PTPN5: variants seen among roughly 807,000 people sequenced by gnomAD.
PTPN5 encodes tyrosine-protein phosphatase non-receptor type 5.
Under a neutral mutation model 73.9 loss-of-function variants are expected in PTPN5, and 29 were observed. The observed-to-expected ratio is 0.39, with a 90% CI of 0.29 to 0.54. The LOEUF is 0.54. Ranked by LOEUF, PTPN5 falls within the 20% of genes least tolerant of loss-of-function variation. The pLI, the probability that PTPN5 is intolerant of heterozygous loss-of-function variation, is 0.65. For synonymous variants in PTPN5, 267 were observed against 304.7 expected (o/e 0.88, Z 1.29); for missense variants, 652 against 751.4 (o/e 0.87, Z 1.55).
At chr11:18,787,264 T>C (rs1006627575) in intron 1 of PTPN5, among the ~76,000 whole-genome samples, 76 of 152,222 alleles carry the variant, frequency 5.0e-4, no homozygotes, top group African/African-American at 1.8e-3. Flanking sequence ...TCTTTATTTA[T>C]TGGTTCATAT....
chr11:18,733,610 G>A lies in PTPN5; in HGVS notation c.1026C>T (p.Thr342=). 2 of 1,614,248 alleles carry A rather than the reference G, an allele frequency of 1.2e-6. No individual in the cohort carries two copies. The highest frequency in any genetic ancestry group is 1.7e-6 in the Non-Finnish European group (2 of 1,180,048). Residue 342 remains threonine, a synonymous_variant, in exon 10 of 15, where the codon ACC becomes ACT. Coordinates refer to ENST00000358540, the MANE Select transcript of PTPN5 (RefSeq NM_006906.2). This position sits in a 1 kb window ranked among gnomAD's most constrained non-coding sequence, Gnocchi z 4.3. ...TCAGAGGGTCGTCAGGGTCTGGTGA[G>A]GTCAGACACACTCTGCTGTGAGGGT... The part of the protein sequence containing the change: ...LPNPHSRVCL[T]SPDPDDPLSS...
rs369302509 is a variant in PTPN5 at position 18,744,130 on chromosome 11, A to C, written c.167T>G (p.Met56Arg). Residue 56 changes from methionine (M) to arginine (R), a missense_variant, in exon 4 of 15, where the codon ATG becomes AGG. Met to Arg is a moderately conservative substitution (Grantham distance 91). This residue lies in a region of PTPN5 where 529 missense variants were observed against 573.9 expected (regional missense o/e 0.92). Coordinates refer to ENST00000358540, the MANE Select transcript of PTPN5 (RefSeq NM_006906.2). ...AEGLQDSQRE[M>R]PPPPPPSPPS... Reference sequence around the variant, plus strand: ...CGGCGAGGGAGGAGGGGGTGGCGGCATCTCTCTCTGTGAGTCCTGGAGCCC... The same window carrying C: ...CGGCGAGGGAGGAGGGGGTGGCGGCCTCTCTCTCTGTGAGTCCTGGAGCCC... The C allele has an allele frequency of 3.9e-5, 63 of 1,609,508 alleles. No homozygotes were observed. The highest frequency in any genetic ancestry group is 5.2e-5 in the Non-Finnish European group (61 of 1,178,086).
chr11:18,731,368 A>G (rs1848869486), intron 12 of PTPN5, among the ~76,000 whole-genome samples: 1 of 152,038 alleles, frequency 6.6e-6, no homozygotes, highest in African/African-American at 2.4e-5. Context: ...CTTCTCAAGG[A>G]AAGAGTCCAA....
intron 3 of PTPN5, among the ~76,000 whole-genome samples, chr11:18,764,934 G>C (rs561168008): frequency 6.6e-6 from 1 of 152,030 alleles, no homozygotes; most frequent in African/African-American, 2.4e-5. Context: ...GGATGGTCTC[G>C]ATCTCCTGAC....
intron 4 of PTPN5, chr11:18,743,657 G>A: frequency 1.7e-6 from 1 of 594,502 alleles, no homozygotes; most frequent in Admixed American, 3.0e-5. Flanking sequence ...GCCCTTTCCA[G>A]AGAGGACCTC....
intron 1 of PTPN5, among the ~76,000 whole-genome samples, chr11:18,788,947 T>C (rs1851791966): frequency 6.6e-6 from 1 of 152,230 alleles, no homozygotes; most frequent in Non-Finnish European, 1.5e-5. Flanking sequence ...AAATTAATTA[T>C]GAAATTCTAT....
chr11:18,736,363 G>A (rs61886901), intron 9 of PTPN5, among the ~76,000 whole-genome samples: 22,522 of 152,186 alleles, frequency 0.15, 1,685 homozygotes, highest in Middle Eastern at 0.2. Context: ...CGGAGAAGGG[G>A]ACAGAAATTG....
intron 2 of PTPN5, among the ~76,000 whole-genome samples, chr11:18,767,565 T>C (rs1003700625): frequency 6.6e-6 from 1 of 152,098 alleles, no homozygotes; most frequent in African/African-American, 2.4e-5. Flanking sequence ...TCCAAAACAT[T>C]CTCCACATGG....
At chr11:18,774,906 A>G (rs1391701471) in intron 1 of PTPN5, among the ~76,000 whole-genome samples, 1 of 152,224 alleles carries the variant, frequency 6.6e-6, no homozygotes, top group Non-Finnish European at 1.5e-5. Context: ...AGCAGGAAAA[A>G]GGGCAGAAGC....
Position 18,729,388 on chromosome 11 carries a change from C to A in PTPN5, c.1604+65G>T. The A allele has an allele frequency of 1.3e-6, 1 of 799,336 alleles. No homozygotes were observed. Among genetic ancestry groups the A allele is most frequent in the South Asian group, 1.4e-5 (1 of 71,784 alleles). The allele number at this position is 799,336 out of a possible 1,614,324, so 49.5% of individuals were successfully genotyped here. Reference sequence around the variant, plus strand: ...ACCCCCCGCCCATGCACATGTGGGTCTCTCCCTCTACCCGCTCGGGGCTCT... The same window carrying A: ...ACCCCCCGCCCATGCACATGTGGGTATCTCCCTCTACCCGCTCGGGGCTCT... On this transcript the variant is annotated intron_variant, in intron 14 of 14. Coordinates refer to ENST00000358540, the MANE Select transcript of PTPN5 (RefSeq NM_006906.2). The surrounding 1 kb of genome is among the most constrained non-coding windows in gnomAD (Gnocchi z 5.2).
intron 8 of PTPN5, among the ~76,000 whole-genome samples, chr11:18,739,833 C>T (rs1304310018): frequency 6.6e-6 from 1 of 152,216 alleles, no homozygotes; most frequent in East Asian, 1.9e-4. Flanking sequence ...CCTTCCTCCT[C>T]CTCTCAGGGC....
chr11:18,788,141 C>T (rs1267150404), intron 1 of PTPN5, among the ~76,000 whole-genome samples: 4 of 152,212 alleles, frequency 2.6e-5, no homozygotes, highest in Admixed American at 2.6e-4. Flanking sequence ...TTTAGTGACA[C>T]TGTGGCCTCT....
intron 3 of PTPN5, among the ~76,000 whole-genome samples, chr11:18,761,633 C>T (rs574803995): frequency 7.2e-5 from 11 of 152,106 alleles, no homozygotes; most frequent in Non-Finnish European, 8.8e-5. Context: ...CCCACAGTAC[C>T]GGGGAGCTGG....
At chr11:18,776,908 T>G (rs960626645) in intron 1 of PTPN5, among the ~76,000 whole-genome samples, 1 of 152,176 alleles carries the variant, frequency 6.6e-6, no homozygotes, top group Non-Finnish European at 1.5e-5. Flanking sequence ...ATGCCTGTAA[T>G]CCCAGAACTT....
rs1411732635 is a variant in PTPN5, at chr11:18,740,632, C to T, written c.886G>A (p.Asp296Asn). 6.3e-7 allele frequency: 1 copy of T among 1,595,606 alleles called. No individual in the cohort carries two copies. Among genetic ancestry groups the T allele is most frequent in the Non-Finnish European group, 8.5e-7 (1 of 1,170,908 alleles). Reference protein sequence around the residue: ...QAEELHEKALDPFLLQAEFFE... With the variant: ...QAEELHEKALNPFLLQAEFFE... ...AATTCCGCCTGCAGCAGGAAAGGGT[C>T]CAGGGCCTTTTCATGAAGCTCTTCT... The change falls in exon 8 of 15, where the codon GAC (aspartate) becomes AAC (asparagine). Residue 296 changes from aspartate to asparagine, a missense_variant. This residue lies in a region of PTPN5 where 529 missense variants were observed against 573.9 expected (regional missense o/e 0.92). Coordinates refer to ENST00000358540, the MANE Select transcript of PTPN5 (RefSeq NM_006906.2).
chr11:18,781,369 G>C (rs1851422551), intron 1 of PTPN5, among the ~76,000 whole-genome samples: 1 of 128,996 alleles, frequency 7.8e-6, no homozygotes, highest in Non-Finnish European at 1.5e-5. Flanking sequence ...ACCCAGGCTG[G>C]AGCGCAGCGG....
At chr11:18,743,820 C>A in intron 4 of PTPN5, 186 bp downstream of exon 4, 1 of 661,588 alleles carries the variant, frequency 1.5e-6, no homozygotes, top group Non-Finnish European at 2.4e-6. Context: ...GTCTCAGATG[C>A]TGGTGCGGTA....
intron 1 of PTPN5, among the ~76,000 whole-genome samples, chr11:18,786,303 T>C (rs1016111858): frequency 1.3e-5 from 2 of 152,016 alleles, no homozygotes; most frequent in South Asian, 2.1e-4. Flanking sequence ...CCTGGGTTCA[T>C]GCCATTCTCC....
chr11:18,748,769 C>T (rs994883530), intron 3 of PTPN5, among the ~76,000 whole-genome samples: 2 of 151,992 alleles, frequency 1.3e-5, no homozygotes, highest in East Asian at 1.9e-4. Flanking sequence ...ATTTATTAAG[C>T]GCCGATTATA....
Sources: allele counts gnomAD v4.1 joint callset (sites outside exome capture counted in the v4.1 genomes callset), GRCh38; gene constraint gnomAD v4.1.1; regional missense constraint gnomAD v4.1.1; non-coding constraint Gnocchi (gnomAD v3.1); transcripts MANE v1.5; gene names NCBI Gene and HGNC (gene_info 2026-07-23, HGNC 2026-07-21).